The following FER1L6 variants were observed in gnomAD, a reference collection of about 807,000 sequenced individuals.
FER1L6 encodes fer-1 like family member 6.
FER1L6 carries 177 observed loss-of-function variants against 219.2 expected under a neutral mutation model. The observed-to-expected ratio is 0.81, with a 90% confidence interval of 0.71 to 0.91. The LOEUF is 0.91. Ranked by LOEUF, FER1L6 falls within the 40% of genes least tolerant of loss-of-function variation. The probability of loss-of-function intolerance (pLI) is 0.00; values close to 1 mark genes in which losing one functional copy is unlikely to be tolerated. For synonymous variants in FER1L6, 768 were observed against 824.3 expected (o/e 0.93, Z 1.17); for missense variants, 2,153 against 2,259.9 (o/e 0.95, Z 0.96).
At chr8:124,067,711 A>T (rs1820885502) in intron 27 of FER1L6, 56 bp from the exon 28 acceptor site, 8 of 1,403,770 alleles carry the variant, frequency 5.7e-6, no homozygotes, top group Non-Finnish European at 8.0e-6. Flanking sequence ...AATTGTTAGC[A>T]GTCAATTAAT....
intron 11 of FER1L6, 105 bp from the exon 12 acceptor site, chr8:123,985,963 C>T (rs1816556665): frequency 1.5e-6 from 1 of 675,558 alleles, no homozygotes; most frequent in South Asian, 1.8e-5. Context: ...GAAACAGAGA[C>T]CCAAATGTTT....
intron 1 of FER1L6, among the ~76,000 whole-genome samples, chr8:123,927,417 T>A (rs1813606172): frequency 6.6e-6 from 1 of 152,232 alleles, no homozygotes; most frequent in Non-Finnish European, 1.5e-5. Flanking sequence ...AATAGTAGAA[T>A]CTGTGCTGAC....
rs1036625129 is a variant in FER1L6, at chr8:123,852,967, T to C, written c.-8+782T>C. On this transcript the variant is annotated intron_variant, in intron 1 of 40. Transcript: ENST00000522917. The surrounding 1 kb of genome is among the most constrained non-coding windows in gnomAD (Gnocchi z 4.9). The stretch of plus-strand genomic sequence containing the variant: ...TCATATATGAAATATGTATTAGATA[T>C]AGATGTATTCTATGTGTCTATTTAG... 6.6e-6 allele frequency among the ~76,000 whole-genome samples: 1 copy of C among 152,170 alleles called. No individual in the cohort carries two copies. The highest frequency in any genetic ancestry group is 2.4e-5 in the African/African-American group (1 of 41,450).
In FER1L6 at chr8:124,061,874, T is replaced by C. The variant is rs1337038073; in HGVS notation, c.3170T>C (p.Leu1057Pro). 1.9e-6 allele frequency: 3 copies of C among 1,613,730 alleles called. No homozygotes were observed. Among genetic ancestry groups the C allele is most frequent in the East Asian group, 2.2e-5 (1 of 44,858 alleles). The part of the protein sequence containing the change: ...FEVELPENEL[L>P]HPPLSICVVD... ...CAGGAACTGCCTGAGAACGAGCTTC[T>C]GCACCCGCCACTGAGCATCTGCGTG... Residue 1057 changes from leucine to proline, a missense_variant, in exon 25 of 41, where the codon CTG becomes CCG. Coordinates refer to ENST00000522917, the MANE Select transcript of FER1L6 (RefSeq NM_001039112.2).
chr8:123,854,534 T>G (rs1423827742), intron 1 of FER1L6, among the ~76,000 whole-genome samples: 2 of 152,178 alleles, frequency 1.3e-5, no homozygotes, highest in African/African-American at 2.4e-5. Context: ...TGGTGGTCTA[T>G]GATGGGGATT....
intron 12 of FER1L6, among the ~76,000 whole-genome samples, chr8:123,989,722 T>A (rs940766080): frequency 2.0e-5 from 3 of 152,184 alleles, no homozygotes; most frequent in Non-Finnish European, 4.4e-5. Context: ...TCCATCCAAG[T>A]TTGCTGCAAA....
intron 22 of FER1L6, among the ~76,000 whole-genome samples, chr8:124,057,299 G>A (rs1351596270): frequency 6.6e-6 from 1 of 152,134 alleles, no homozygotes; most frequent in Non-Finnish European, 1.5e-5. Flanking sequence ...TGTTTGGGCT[G>A]TGCTTTCTCT....
intron 31 of FER1L6, among the ~76,000 whole-genome samples, chr8:124,073,531 TA>T (rs2130880121): frequency 6.6e-6 from 1 of 152,342 alleles, no homozygotes; most frequent in South Asian, 2.1e-4. Flanking sequence ...AAATACTACT[TA>T]AAACTCGCAT....
chr8:124,001,766 C>T (rs1206002982), intron 12 of FER1L6, among the ~76,000 whole-genome samples: 5 of 152,298 alleles, frequency 3.3e-5, no homozygotes, highest in African/African-American at 1.2e-4. Context: ...TGTGTTTATT[C>T]CACGACCAGT....
intron 12 of FER1L6, among the ~76,000 whole-genome samples, chr8:123,999,704 T>C (rs991977779): frequency 8.5e-5 from 13 of 152,110 alleles, no homozygotes; most frequent in African/African-American, 2.9e-4. Flanking sequence ...AGAAATGTCA[T>C]CTGTGGGCTA....
chr8:123,993,269 C>T (rs564254164), intron 12 of FER1L6, among the ~76,000 whole-genome samples: 198 of 151,462 alleles, frequency 1.3e-3, no homozygotes, highest in African/African-American at 4.6e-3. Context: ...GGTGAAACCC[C>T]GTCTCTACTA....
chr8:123,984,966 A>G (rs1816501907), intron 11 of FER1L6: 1 of 152,284 alleles, frequency 6.6e-6, no homozygotes, highest in Non-Finnish European at 1.5e-5. Flanking sequence ...CTCTTAGCTC[A>G]GAAATGTAAT....
intron 20 of FER1L6, among the ~76,000 whole-genome samples, chr8:124,042,927 G>A (rs992038659): frequency 5.3e-5 from 8 of 152,134 alleles, no homozygotes; most frequent in Non-Finnish European, 8.8e-5. Context: ...AGAAAGCTCC[G>A]ACAGAGAAAG....
intron 28 of FER1L6, 137 bp downstream of exon 28, chr8:124,067,943 G>A (rs1820896230): frequency 2.9e-6 from 2 of 690,310 alleles, no homozygotes; most frequent in Non-Finnish European, 2.5e-6. Context: ...TCAGGAAGAT[G>A]ACAGCACTTT....
In FER1L6 at chr8:124,101,125, C is replaced by A; in HGVS notation, c.4912C>A (p.Gln1638Lys). 1 of 1,613,608 alleles carries A rather than the reference C, an allele frequency of 6.2e-7. No individual in the cohort carries two copies. Reference sequence around the variant, plus strand: ...GTTAAAGGGCTTGGAGGATGACAAGCAGGAGACAGATGTGCATTACAACTC... The same window carrying A: ...GTTAAAGGGCTTGGAGGATGACAAGAAGGAGACAGATGTGCATTACAACTC... ...GWLKGLEDDKQETDVHYNSLT... is the reference protein window; with the variant it reads ...GWLKGLEDDKKETDVHYNSLT... The change falls in exon 38 of 41, where the codon CAG becomes AAG. Residue 1638 changes from glutamine to lysine, a missense_variant. Transcript: ENST00000522917.
chr8:123,904,796 A>G (rs1326179360), intron 1 of FER1L6, among the ~76,000 whole-genome samples: 1 of 152,224 alleles, frequency 6.6e-6, no homozygotes, highest in African/African-American at 2.4e-5. Flanking sequence ...CAAACAGAGA[A>G]ACAAGAAAGA....
In FER1L6 at chr8:123,985,909, C is replaced by G. The variant is rs1392363844; in HGVS notation, c.1411-159C>G. The G allele has an allele frequency of 5.1e-6, 3 of 587,140 alleles. No homozygotes were observed. The East Asian group carries it at 8.5e-5, about 17-fold the overall frequency. The allele number at this position is 587,140 out of a possible 1,614,324, so 36.4% of individuals were successfully genotyped here. A position where few individuals can be genotyped will look rare whatever the true frequency, so the allele number is the denominator to read the frequency against. ...GATCTGCAGTTTGCAGATCCTGATT[C>G]ATACATGTCTTATTTGGGGGGAAAC... On this transcript the variant is annotated intron_variant, in intron 11 of 40. Transcript: ENST00000522917.
intron 1 of FER1L6, among the ~76,000 whole-genome samples, chr8:123,918,136 C>T (rs1813242637): frequency 6.6e-6 from 1 of 151,896 alleles, no homozygotes; most frequent in Non-Finnish European, 1.5e-5. Context: ...ATGGTAAAAC[C>T]CCATCTCTAT....
At chr8:123,960,403 A>G (rs1418725885) in intron 2 of FER1L6, among the ~76,000 whole-genome samples, 1 of 152,192 alleles carries the variant, frequency 6.6e-6, no homozygotes, top group Non-Finnish European at 1.5e-5. Flanking sequence ...TTAAATTAGA[A>G]TCTAGGGTGG....
Sources: allele counts gnomAD v4.1 joint callset (sites outside exome capture counted in the v4.1 genomes callset), GRCh38; gene constraint gnomAD v4.1.1; non-coding constraint Gnocchi (gnomAD v3.1); transcripts MANE v1.5; gene names NCBI Gene and HGNC (gene_info 2026-07-23, HGNC 2026-07-21).